The following AHNAK variants were observed in gnomAD, a reference collection of about 807,000 sequenced individuals.
AHNAK encodes the protein neuroblast differentiation-associated protein AHNAK.
In AHNAK, 23 loss-of-function variants were observed where a neutral mutation model predicts 37.8. The observed-to-expected ratio is 0.61, with a 90% CI of 0.44 to 0.86. AHNAK has a LOEUF of 0.86. AHNAK is among the 40% of genes least tolerant of loss of function. The pLI is 0.00. For missense variants in AHNAK, 7,411 were observed against 7,319.4 expected (o/e 1.01, Z -0.46); for synonymous variants, 2,481 against 2,636.3 (o/e 0.94, Z 1.80).
intron 5 of AHNAK, among the ~76,000 whole-genome samples, chr11:62,482,217 C>T (rs1202434601): frequency 6.6e-6 from 1 of 152,150 alleles, no homozygotes; most frequent in Non-Finnish European, 1.5e-5. Flanking sequence ...GAGTTCGAGA[C>T]CATCCTGGCC....
At chr11:62,496,193 A>G (rs970647136) in intron 4 of AHNAK, among the ~76,000 whole-genome samples, 1 of 152,228 alleles carries the variant, frequency 6.6e-6, no homozygotes, top group African/African-American at 2.4e-5. Context: ...CAATCAAATC[A>G]TTAAGTAAAT....
intron 5 of AHNAK, chr11:62,433,998 C>CA (rs1020291728): frequency 9.9e-6 from 14 of 1,417,876 alleles, no homozygotes; most frequent in Non-Finnish European, 1.4e-5. Flanking sequence ...AAGGTCCCCC[C>CA]ACTCCTTGCT....
In AHNAK at chr11:62,531,948, C is replaced by G. The variant is rs781694628; in HGVS notation, c.2469G>C (p.Val823=). 1 of 1,614,048 alleles carries G rather than the reference C, an allele frequency of 6.2e-7. No individual in the cohort carries two copies. Among genetic ancestry groups the G allele is most frequent in the East Asian group, 2.2e-5 (1 of 44,876 alleles). The change falls in exon 5 of 5, where the codon GTG becomes GTC. Residue 823 remains valine, a synonymous_variant. Coordinates refer to ENST00000378024, the MANE Select transcript of AHNAK (RefSeq NM_001620.3). ...CGTTAGGGCCTTTCAGATGTAAGTC[C>G]ACATCAGGCATGGAGATCTTGGGGA... is the stretch of plus-strand genomic sequence containing the variant. ...IKVPKISMPD[V]DLHLKGPNVK...
chr11:62,520,884 A>G lies in AHNAK; in HGVS notation c.13533T>C (p.Asp4511=), dbSNP rs1456504179. ...KLKGPKFKMP[D]VHFKSPQISM... The stretch of plus-strand genomic sequence containing the variant: ...AGATTTGTGGGCTTTTGAAATGTAC[A>G]TCAGGCATCTTAAACTTGGGACCTT... The change falls in exon 5 of 5, where the codon GAT becomes GAC. Residue 4511 remains aspartate, a synonymous_variant. Coordinates refer to ENST00000378024, the MANE Select transcript of AHNAK (RefSeq NM_001620.3). The G allele has an allele frequency of 1.2e-6, 2 of 1,614,168 alleles. No individual in the cohort carries two copies. The highest frequency in any genetic ancestry group is 2.2e-5 in the South Asian group (2 of 91,078).
intron 5 of AHNAK, among the ~76,000 whole-genome samples, chr11:62,453,254 G>A (rs1938580261): frequency 6.6e-6 from 1 of 151,988 alleles, no homozygotes; most frequent in Non-Finnish European, 1.5e-5. Context: ...ATGCCTTAAA[G>A]CTAATCATTA....
intron 5 of AHNAK, among the ~76,000 whole-genome samples, chr11:62,465,032 C>G (rs1938876659): frequency 6.6e-6 from 1 of 152,154 alleles, no homozygotes; most frequent in South Asian, 2.1e-4. Context: ...TCCTCTCACA[C>G]TTGCTGTTCC....
At chr11:62,439,729 G>T (rs1274711318) in intron 5 of AHNAK, among the ~76,000 whole-genome samples, 19 of 143,416 alleles carry the variant, frequency 1.3e-4, no homozygotes, top group Non-Finnish European at 2.6e-4. Flanking sequence ...GTGTAGTGGC[G>T]CGATCTCAGC....
chr11:62,477,803 A>T (rs1485975313), intron 5 of AHNAK, among the ~76,000 whole-genome samples: 2 of 142,886 alleles, frequency 1.4e-5, no homozygotes, highest in African/African-American at 5.6e-5. Context: ...CTCCATCTCA[A>T]AAAAAAAAAA....
intron 4 of AHNAK, among the ~76,000 whole-genome samples, chr11:62,534,462 T>C (rs1014191184): frequency 5.3e-5 from 8 of 152,176 alleles, no homozygotes; most frequent in Non-Finnish European, 1.0e-4. Context: ...AGGAGGGGAA[T>C]CTTCTCAGAG....
chr11:62,451,126 G>A (rs926879704), intron 5 of AHNAK, among the ~76,000 whole-genome samples: 1 of 150,390 alleles, frequency 6.6e-6, no homozygotes, highest in Non-Finnish European at 1.5e-5. Flanking sequence ...TGTCACTCAG[G>A]CTAGAGTGCA....
At chr11:62,452,717 G>A (rs532507668) in intron 5 of AHNAK, among the ~76,000 whole-genome samples, 21 of 152,280 alleles carry the variant, frequency 1.4e-4, no homozygotes, top group African/African-American at 4.3e-4. Context: ...AATGGGACAG[G>A]TGAGATGGTA....
In AHNAK at chr11:62,535,932, TG is replaced by T; in HGVS notation, c.154+12del. On this transcript the variant is annotated intron_variant, in intron 3 of 4. Transcript: ENST00000378024. ...AACCACCAGCACCCAGTCCACACCCTGGGGTGACTCACCCTCCTTGACCACC... is the reference window on the plus strand; with the variant it reads ...AACCACCAGCACCCAGTCCACACCCTGGGTGACTCACCCTCCTTGACCACC... 1 of 1,601,518 alleles carries T rather than the reference TG, an allele frequency of 6.2e-7. No homozygotes were observed.
rs1006002635 is a variant in AHNAK, at chr11:62,524,078, G to A, written c.10339C>T (p.Pro3447Ser). Residue 3447 changes from proline (P) to serine (S), a missense_variant, in exon 5 of 5, where the codon CCC (proline) becomes TCC (serine). Transcript: ENST00000378024. ...TCTGGTGCCTTAATATCCACTTTGG[G>A]GCCTTTAAAGTCACCTTCTAAATTG... ...GPNLEGDFKGPKVDIKAPEVN... is the reference protein window; with the variant it reads ...GPNLEGDFKGSKVDIKAPEVN... 4 of 1,614,000 alleles carry A rather than the reference G, an allele frequency of 2.5e-6. No individual in the cohort carries two copies. The highest frequency in any genetic ancestry group is 2.2e-5 in the South Asian group (2 of 91,052).
chr11:62,460,856 C>T (rs1167598570), intron 5 of AHNAK, among the ~76,000 whole-genome samples: 1 of 152,166 alleles, frequency 6.6e-6, no homozygotes, highest in Non-Finnish European at 1.5e-5. Flanking sequence ...GAGTCTCGCT[C>T]TGTCACCCAG....
At chr11:62,492,503 A>T in intron 4 of AHNAK, among the ~76,000 whole-genome samples, 1 of 152,174 alleles carries the variant, frequency 6.6e-6, no homozygotes, top group Non-Finnish European at 1.5e-5. Flanking sequence ...GTGGAGAACT[A>T]TGGTTGCCAT....
rs1484474663 is a variant in AHNAK at position 62,517,223 on chromosome 11, G to C, written c.17194C>G (p.Pro5732Ala). The change falls in exon 5 of 5, where the codon CCA becomes GCA. Residue 5732 changes from proline (P) to alanine (A), a missense_variant. Physicochemically the swap from Pro to Ala is conservative, Grantham distance 27. Coordinates refer to ENST00000378024, the MANE Select transcript of AHNAK (RefSeq NM_001620.3). ...PKGKGGVTGSPEASISGSKGD... is the reference protein window; with the variant it reads ...PKGKGGVTGSAEASISGSKGD... ...TTGGACCCAGAAATTGATGCTTCTG[G>C]TGAGCCAGTGACACCACCTTTCCCT... 2 of 1,613,998 alleles carry C rather than the reference G, an allele frequency of 1.2e-6. No individual in the cohort carries two copies. Among genetic ancestry groups the C allele is most frequent in the Non-Finnish European group, 1.7e-6 (2 of 1,180,046 alleles).
In AHNAK at chr11:62,522,301, C is replaced by A. The variant is rs1940284413; in HGVS notation, c.12116G>T (p.Gly4039Val). The A allele has an allele frequency of 6.2e-7, 1 of 1,613,276 alleles. No homozygotes were observed. Residue 4039 changes from glycine (G) to valine (V), a missense_variant, in exon 5 of 5, where the codon GGC (glycine) becomes GTC (valine). Gly to Val is a moderately radical substitution (Grantham distance 109). Coordinates refer to ENST00000378024, the MANE Select transcript of AHNAK (RefSeq NM_001620.3). Reference protein sequence around the residue: ...DLKAPEVDIKGPKVDIDAPDV... With the variant: ...DLKAPEVDIKVPKVDIDAPDV... ...TGGGGCATCAATGTCCACTTTGGGG[C>A]CCTTGATGTCAACTTCAGGGGCCTT...
chr11:62,522,950 C>G lies in AHNAK; in HGVS notation c.11467G>C (p.Asp3823His), dbSNP rs371787684. The change falls in exon 5 of 5, where the codon GAT becomes CAT. Residue 3823 changes from aspartate to histidine, a missense_variant. Coordinates refer to ENST00000378024, the MANE Select transcript of AHNAK (RefSeq NM_001620.3). ...GCCTTGGGCAGGTTCACATCCACAT[C>G]TGGGCCCTCTCCTTTGAAGCCAGGC... ...SMPGFKGEGP[D>H]VDVNLPKADL... The G allele has an allele frequency of 1.7e-5, 28 of 1,613,624 alleles. No homozygotes were observed. The highest frequency in any genetic ancestry group is 1.4e-4 in the South Asian group (13 of 91,046).
chr11:62,463,449 CTCCTCCA>C (rs1555021177), intron 5 of AHNAK, among the ~76,000 whole-genome samples: 1 of 118,826 alleles, frequency 8.4e-6, no homozygotes, highest in Non-Finnish European at 1.9e-5. Flanking sequence ...CTCCGCTCCT[CTCCTCCA>C]TCCTCCAGCC....
Sources: allele counts gnomAD v4.1 joint callset (sites outside exome capture counted in the v4.1 genomes callset), GRCh38; gene constraint gnomAD v4.1.1; transcripts MANE v1.5; gene names NCBI Gene and HGNC (gene_info 2026-07-23, HGNC 2026-07-21).